RRBP1: variants seen among roughly 807,000 people sequenced by gnomAD.
RRBP1 encodes ribosome-binding protein 1.
In RRBP1, 94 loss-of-function variants were observed where a neutral mutation model predicts 165.2. That is an observed-to-expected ratio of 0.57 (90% CI 0.48 to 0.68). The LOEUF (loss-of-function observed/expected upper bound fraction) is 0.68, where lower values mean the gene tolerates loss of function less well. Among genes scored for constraint, RRBP1 ranks in the 30% least tolerant of loss-of-function variants. RRBP1 has a pLI of 0.00. For missense variants in RRBP1, 1,676 were observed against 1,763.0 expected, an observed-to-expected ratio of 0.95 and a Z score of 0.88; for synonymous variants, 680 against 714.5, an observed-to-expected ratio of 0.95 and a Z score of 0.77.
In RRBP1 at chr20:17,629,970, G is replaced by A. The variant is rs373269635; in HGVS notation, c.2611-9C>T. On this transcript the variant is annotated splice_polypyrimidine_tract_variant and intron_variant, in intron 8 of 24. Coordinates refer to ENST00000377813, the MANE Select transcript of RRBP1 (RefSeq NM_001365613.2). ...CTCTCCCTGTGGGACGCCTGGGGAC[G>A]GGCAGGGGAGTGGGGCAGTGAAGAC... is the stretch of plus-strand genomic sequence containing the variant. The A allele has an allele frequency of 3.0e-5, 48 of 1,592,072 alleles. No homozygotes were observed. The highest frequency in any genetic ancestry group is 2.9e-4 in the African/African-American group (22 of 74,914).
rs979053469 is a variant in RRBP1, at chr20:17,643,102, G to C, written c.1938C>G (p.Leu646=). ...EPGPPDADGP[L]YLPYKTLVST... is the part of the protein sequence containing the mutation. ...AGACCAGCGTCTTGTAGGGGAGGTA[G>C]AGAGGGCCGTCGGCATCTGGGGGCC... is the stretch of plus-strand genomic sequence containing the variant. Residue 646 remains leucine, a synonymous_variant, in exon 4 of 25, where the codon CTC becomes CTG. Coordinates refer to ENST00000377813, the MANE Select transcript of RRBP1 (RefSeq NM_001365613.2). The surrounding 1 kb of genome is among the most constrained non-coding windows in gnomAD (Gnocchi z 4.3). 1.9e-6 allele frequency: 3 copies of C among 1,614,078 alleles called. No homozygotes were observed. The highest frequency in any genetic ancestry group is 2.5e-6 in the Non-Finnish European group (3 of 1,180,024).
rs768421650 is a variant in RRBP1 at position 17,621,805 on chromosome 20, G to T, written c.3241-32C>A. On this transcript the variant is annotated intron_variant, in intron 14 of 24. Transcript: ENST00000377813. ...TGAAACACATTCGGTGAGACCCGGGGACATTCCCTGAGAACTGTGAGGTCC... is the reference window on the plus strand; with the variant it reads ...TGAAACACATTCGGTGAGACCCGGGTACATTCCCTGAGAACTGTGAGGTCC... 3.1e-6 allele frequency: 5 copies of T among 1,612,848 alleles called. No individual in the cohort carries two copies. The Admixed American group carries it at 6.7e-5, about 22-fold the overall frequency.
Position 17,658,763 on chromosome 20 carries a change from C to G in RRBP1, c.1745G>C (p.Gly582Ala), listed in dbSNP as rs2036692327. ...TGCCTTTTTGCCTTGGTTGGGGGAC[C>G]CTTCTGCCTTTTTGCCTTCACTGGG... ...GSPSEGKKAE[G>A]SPNQGKKADA... Residue 582 changes from glycine (G) to alanine (A), a missense_variant, in exon 3 of 25, where the codon GGG becomes GCG. Gly to Ala is a moderately conservative substitution (Grantham distance 60, BLOSUM62 0). Around this residue, in one of 5 missense-constraint regions of RRBP1, gnomAD observed 1,184 missense variants for 1,167.1 expected, o/e 1.01. Coordinates refer to ENST00000377813, the MANE Select transcript of RRBP1 (RefSeq NM_001365613.2). The G allele has an allele frequency of 6.2e-7, 1 of 1,612,574 alleles. No individual in the cohort carries two copies. Among genetic ancestry groups the G allele is most frequent in the Non-Finnish European group, 8.5e-7 (1 of 1,178,674 alleles).
chr20:17,680,580 A>G (rs556865453), intron 1 of RRBP1, among the ~76,000 whole-genome samples: 1 of 152,060 alleles, frequency 6.6e-6, no homozygotes, highest in African/African-American at 2.4e-5. Context: ...CTGTTTGTAC[A>G]AGGTCCCAGC....
intron 3 of RRBP1, among the ~76,000 whole-genome samples, chr20:17,646,573 T>C (rs2036466354): frequency 1.3e-5 from 2 of 152,130 alleles, no homozygotes; most frequent in Non-Finnish European, 2.9e-5. Context: ...AAAGAGTAAG[T>C]TGCAACGTGC....
At chr20:17,619,377 C>T (rs9768) in intron 19 of RRBP1, 24,827 of 401,450 alleles carry the variant, frequency 0.062, 1,377 homozygotes, top group African/African-American at 0.19. Flanking sequence ...GAACGTCAAA[C>T]GCCTCCCTCG....
In RRBP1 at chr20:17,643,538, C is replaced by T. The variant is rs759786525; in HGVS notation, c.1913-411G>A. Reference sequence around the variant, plus strand: ...GGCTCACCATGGTTCTCCCCACTGGCTGTGACTGAGCCCCGTGGCCTTGTG... The same window carrying T: ...GGCTCACCATGGTTCTCCCCACTGGTTGTGACTGAGCCCCGTGGCCTTGTG... On this transcript the variant is annotated intron_variant, in intron 3 of 24. Transcript: ENST00000377813. The surrounding 1 kb of genome is among the most constrained non-coding windows in gnomAD (Gnocchi z 4.3). Among the ~76,000 whole-genome samples, 1 of 152,144 alleles carries T rather than the reference C, an allele frequency of 6.6e-6. No individual in the cohort carries two copies. Among genetic ancestry groups the T allele is most frequent in the Non-Finnish European group, 1.5e-5 (1 of 68,022 alleles).
chr20:17,634,816 C>T (rs2036219226), intron 7 of RRBP1, among the ~76,000 whole-genome samples: 1 of 152,208 alleles, frequency 6.6e-6, no homozygotes, highest in Non-Finnish European at 1.5e-5. Context: ...GAGGGGAAGG[C>T]AGCTGCTGGA....
At chr20:17,668,925 T>C (rs1280231004) in intron 2 of RRBP1, among the ~76,000 whole-genome samples, 1 of 152,206 alleles carries the variant, frequency 6.6e-6, no homozygotes, top group Non-Finnish European at 1.5e-5. Context: ...CTATGCATTT[T>C]AAAGACTGCT....
rs578071677 is a variant in RRBP1, at chr20:17,670,508, A to C, written c.-22+9491T>G. ...AAGTTAAACAAATCTTTACCCCCCC[A>C]AATTAATTCTATTATCCCTTCCAAC... On this transcript the variant is annotated intron_variant, in intron 2 of 24. Transcript: ENST00000377813. Among the ~76,000 whole-genome samples, 460 of 151,320 alleles carry C rather than the reference A, an allele frequency of 3.0e-3. 2 individuals are homozygous for C. Among genetic ancestry groups the C allele is most frequent in the Non-Finnish European group, 4.2e-3 (285 of 67,876 alleles).
chr20:17,620,220 T>C, intron 18 of RRBP1, 79 bp downstream of exon 18: 1 of 1,011,266 alleles, frequency 9.9e-7, no homozygotes, highest in Non-Finnish European at 1.6e-6. Flanking sequence ...AAGAAATCAG[T>C]GAAGTGTCCT....
intron 9 of RRBP1, 97 bp from the exon 10 acceptor site, chr20:17,627,779 A>C: frequency 8.2e-7 from 1 of 1,224,156 alleles, no homozygotes. Context: ...CATGTGGGGC[A>C]CCGAGGGCTT....
intron 2 of RRBP1, among the ~76,000 whole-genome samples, chr20:17,663,140 G>T (rs1568785601): frequency 6.6e-6 from 1 of 152,204 alleles, no homozygotes; most frequent in South Asian, 2.1e-4. Flanking sequence ...GTGCTCGAGG[G>T]GTGGTCTTTA....
chr20:17,660,400 C>G lies in RRBP1; in HGVS notation c.108G>C (p.Thr36=). The change falls in exon 3 of 25, where the codon ACG becomes ACC. Residue 36 remains threonine, a synonymous_variant. Transcript: ENST00000377813. ...FLVSTFSMKE[T]SYEEALANQR... is the part of the protein sequence containing the mutation. ...GGTTGGCTAGGGCTTCTTCATATGA[C>G]GTTTCCTTCATGGAGAAAGTCGACA... 6.2e-7 allele frequency: 1 copy of G among 1,614,110 alleles called. No homozygotes were observed. Among genetic ancestry groups the G allele is most frequent in the South Asian group, 1.1e-5 (1 of 91,074 alleles).
chr20:17,650,402 C>G (rs762463026), intron 3 of RRBP1, among the ~76,000 whole-genome samples: 26 of 152,140 alleles, frequency 1.7e-4, no homozygotes, highest in Non-Finnish European at 3.7e-4. Context: ...GTAAAACTGG[C>G]TTGCATCAGC....
chr20:17,666,082 C>T (rs2036862152), intron 2 of RRBP1, among the ~76,000 whole-genome samples: 1 of 152,226 alleles, frequency 6.6e-6, no homozygotes, highest in Admixed American at 6.5e-5. Flanking sequence ...GCATCCCCTA[C>T]AAAATTTCTA....
chr20:17,658,080 C>G (rs2036678195), intron 3 of RRBP1, among the ~76,000 whole-genome samples: 1 of 152,102 alleles, frequency 6.6e-6, no homozygotes, highest in African/African-American at 2.4e-5. Flanking sequence ...CCTTGTGCTC[C>G]CATATGTTTA....
At chr20:17,614,646 A>G in intron 24 of RRBP1, 91 bp downstream of exon 24, 1 of 1,517,684 alleles carries the variant, frequency 6.6e-7, no homozygotes, top group East Asian at 2.3e-5. Flanking sequence ...CAGCTTGACG[A>G]CTCCGCCCAG....
At chr20:17,652,321 T>C (rs1308488556) in intron 3 of RRBP1, among the ~76,000 whole-genome samples, 1 of 152,168 alleles carries the variant, frequency 6.6e-6, no homozygotes, top group Non-Finnish European at 1.5e-5. Context: ...ATGGAATCTT[T>C]AATTTTATTT....
Sources: allele counts gnomAD v4.1 joint callset (sites outside exome capture counted in the v4.1 genomes callset), GRCh38; gene constraint gnomAD v4.1.1; regional missense constraint gnomAD v4.1.1; non-coding constraint Gnocchi (gnomAD v3.1); transcripts MANE v1.5; gene names NCBI Gene and HGNC (gene_info 2026-07-23, HGNC 2026-07-21).